The following SGMS1 variants were observed in gnomAD, a reference collection of about 807,000 sequenced individuals.
The protein encoded by SGMS1 is sphingomyelin synthase 1.
SGMS1 carries 13 observed loss-of-function variants against 46.2 expected under a neutral mutation model. The ratio of observed to expected loss-of-function variants is 0.28; its 90% CI spans 0.18 to 0.45. The LOEUF is 0.45. SGMS1 is among the 20% of genes least tolerant of loss of function. The probability of loss-of-function intolerance (pLI) is 1.00; values close to 1 mark genes in which losing one functional copy is unlikely to be tolerated. For missense variants in SGMS1, 324 were observed against 519.9 expected (o/e 0.62, Z 3.66); for synonymous variants, 203 against 187.8 (o/e 1.08, Z -0.66).
chr10:50,550,611 C>T (rs954928036), intron 2 of SGMS1, among the ~76,000 whole-genome samples: 3 of 152,164 alleles, frequency 2.0e-5, no homozygotes, highest in African/African-American at 7.2e-5. Flanking sequence ...AAGGCACACT[C>T]ACCAATCTGC....
chr10:50,505,153 C>G (rs1837696078), intron 3 of SGMS1, among the ~76,000 whole-genome samples: 1 of 152,128 alleles, frequency 6.6e-6, no homozygotes, highest in Non-Finnish European at 1.5e-5. Flanking sequence ...GAGGTAGAGG[C>G]TGAAGTGTGC....
intron 2 of SGMS1, among the ~76,000 whole-genome samples, chr10:50,567,198 G>A (rs1023062241): frequency 6.6e-6 from 1 of 152,126 alleles, no homozygotes; most frequent in Non-Finnish European, 1.5e-5. Flanking sequence ...ACCTGCCTTG[G>A]CCTCCCAAAG....
intron 5 of SGMS1, among the ~76,000 whole-genome samples, chr10:50,452,886 T>C (rs1283613217): frequency 1.3e-5 from 2 of 152,246 alleles, no homozygotes. Flanking sequence ...CCAGTATTTA[T>C]GTTGTTTTGT....
intron 3 of SGMS1, among the ~76,000 whole-genome samples, chr10:50,497,022 G>C (rs139954140): frequency 6.6e-6 from 1 of 152,118 alleles, no homozygotes; most frequent in Non-Finnish European, 1.5e-5. Flanking sequence ...TCTTAAAAGG[G>C]GGATATGGTA....
At chr10:50,399,880 T>C (rs2133534284) in intron 6 of SGMS1, among the ~76,000 whole-genome samples, 1 of 151,970 alleles carries the variant, frequency 6.6e-6, no homozygotes, top group African/African-American at 2.4e-5. Flanking sequence ...TATAAAAAAA[T>C]TAGCCAGGCA....
chr10:50,446,090 T>A (rs1203389), intron 5 of SGMS1, among the ~76,000 whole-genome samples: 1 of 151,838 alleles, frequency 6.6e-6, no homozygotes, highest in African/African-American at 2.4e-5. Flanking sequence ...TCAAACCCTG[T>A]CTCCTGGTAA....
At chr10:50,495,654 T>C (rs1039177725) in intron 3 of SGMS1, among the ~76,000 whole-genome samples, 1 of 152,140 alleles carries the variant, frequency 6.6e-6, no homozygotes, top group African/African-American at 2.4e-5. Context: ...AAGGTTTAAG[T>C]AGGGGGCTGG....
At position 50,522,467 on chromosome 10, in the gene SGMS1, C is replaced by T. The variant is rs115464881; in HGVS notation, c.-588-2546G>A. ...ATCTGGTATTACCCACTTTTATAGT[C>T]ATTGTTCATACCTATTGATTATTAT... On this transcript the variant is annotated intron_variant, in intron 2 of 10. Coordinates refer to ENST00000361781, the MANE Select transcript of SGMS1 (RefSeq NM_147156.4). 3.0e-3 allele frequency among the ~76,000 whole-genome samples: 461 copies of T among 152,222 alleles called. 3 individuals carry two copies. The highest frequency in any genetic ancestry group is 0.011 in the African/African-American group (444 of 41,524).
intron 3 of SGMS1, among the ~76,000 whole-genome samples, chr10:50,482,025 A>G (rs1422074343): frequency 6.6e-6 from 1 of 152,228 alleles, no homozygotes; most frequent in Non-Finnish European, 1.5e-5. Flanking sequence ...GATTATGTAA[A>G]AAGACCAAAC....
intron 3 of SGMS1, among the ~76,000 whole-genome samples, chr10:50,489,141 G>A (rs891509617): frequency 1.3e-5 from 2 of 152,226 alleles, no homozygotes; most frequent in Non-Finnish European, 2.9e-5. Context: ...ATTCTACAGA[G>A]TGGACACTAT....
chr10:50,523,657 T>C (rs2133792508), intron 2 of SGMS1, among the ~76,000 whole-genome samples: 1 of 152,350 alleles, frequency 6.6e-6, no homozygotes, highest in South Asian at 2.1e-4. Context: ...AAAGAATCCT[T>C]TTCATATAAA....
chr10:50,523,627 C>A (rs1323430565), intron 2 of SGMS1, among the ~76,000 whole-genome samples: 4 of 152,170 alleles, frequency 2.6e-5, no homozygotes, highest in Non-Finnish European at 4.4e-5. Context: ...TGTTTATGTG[C>A]ATATTCTTAG....
At chr10:50,566,682 C>T (rs1189442102) in intron 2 of SGMS1, among the ~76,000 whole-genome samples, 1 of 152,144 alleles carries the variant, frequency 6.6e-6, no homozygotes, top group East Asian at 1.9e-4. Context: ...AAACAGCAAC[C>T]ATTTTGTGAG....
At chr10:50,573,001 T>C (rs1287229296) in intron 2 of SGMS1, among the ~76,000 whole-genome samples, 1 of 152,166 alleles carries the variant, frequency 6.6e-6, no homozygotes, top group African/African-American at 2.4e-5. Context: ...ATCATCTCAA[T>C]AGCTGCAGAA....
At chr10:50,429,174 A>G (rs1849367464) in intron 6 of SGMS1, among the ~76,000 whole-genome samples, 1 of 152,212 alleles carries the variant, frequency 6.6e-6, no homozygotes, top group South Asian at 2.1e-4. Flanking sequence ...TAAAACACAC[A>G]AGCACAGACA....
intron 6 of SGMS1, among the ~76,000 whole-genome samples, chr10:50,365,810 A>G (rs1036465610): frequency 6.6e-6 from 1 of 151,968 alleles, no homozygotes; most frequent in Non-Finnish European, 1.5e-5. Flanking sequence ...TATGTACTAC[A>G]TTTTCTTTAT....
At chr10:50,333,448 T>A (rs1393121475) in intron 7 of SGMS1, among the ~76,000 whole-genome samples, 1 of 152,222 alleles carries the variant, frequency 6.6e-6, no homozygotes, top group Non-Finnish European at 1.5e-5. Context: ...CATATTTTTA[T>A]TCAAAACACT....
intron 6 of SGMS1, among the ~76,000 whole-genome samples, chr10:50,355,794 C>T (rs1848134779): frequency 6.6e-6 from 1 of 151,398 alleles, no homozygotes; most frequent in African/African-American, 2.4e-5. Context: ...TGAGTAGCGC[C>T]TCTTCCCAGC....
chr10:50,307,065 G>C lies in SGMS1; in HGVS notation c.*77C>G, dbSNP rs568846430. The C allele has an allele frequency of 2.1e-6, 3 of 1,423,244 alleles. No homozygotes were observed. The Admixed American group carries it at 5.8e-5, about 28-fold the overall frequency. The allele number at this position is 1,423,244 out of a possible 1,614,324, so 88.2% of individuals were successfully genotyped here. ...TGAAAGATAATAGGATTAGGGAGGTGTTTATTTTATGGCATCTTCTCTCAT... is the reference window on the plus strand; with the variant it reads ...TGAAAGATAATAGGATTAGGGAGGTCTTTATTTTATGGCATCTTCTCTCAT... On this transcript the variant is annotated 3_prime_UTR_variant, in exon 11 of 11. Coordinates refer to ENST00000361781, the MANE Select transcript of SGMS1 (RefSeq NM_147156.4). This position sits in a 1 kb window ranked among gnomAD's most constrained non-coding sequence, Gnocchi z 4.2.
Sources: allele counts gnomAD v4.1 joint callset (sites outside exome capture counted in the v4.1 genomes callset), GRCh38; gene constraint gnomAD v4.1.1; non-coding constraint Gnocchi (gnomAD v3.1); transcripts MANE v1.5; gene names NCBI Gene and HGNC (gene_info 2026-07-23, HGNC 2026-07-21).